Variants in MREG observed in about 807,000 individuals in gnomAD.
MREG encodes melanoregulin, also known as dilute suppressor protein homolog.
A neutral mutation model predicts 28.5 loss-of-function variants in MREG; 31 were observed. The observed-to-expected ratio is 1.09, with a 90% confidence interval of 0.82 to 1.47. MREG has a LOEUF of 1.47. Ranked by LOEUF, MREG falls within the 40% of genes most tolerant of loss-of-function variation. MREG has a pLI of 0.00. For synonymous variants in MREG, 106 were observed against 95.2 expected (o/e 1.11, Z -0.66); for missense variants, 256 against 257.4 (o/e 0.99, Z 0.04).
At chr2:215,996,713 AC>A (rs1693883961) in intron 1 of MREG, among the ~76,000 whole-genome samples, 1 of 152,206 alleles carries the variant, frequency 6.6e-6, no homozygotes, top group Admixed American at 6.5e-5. Flanking sequence ...GGTAATTACT[AC>A]AGTTAAATAT....
intron 2 of MREG, among the ~76,000 whole-genome samples, chr2:215,974,882 TC>T (rs1249883560): frequency 6.7e-6 from 1 of 149,366 alleles, no homozygotes; most frequent in Non-Finnish European, 1.5e-5. Flanking sequence ...TCTCCCTCTC[TC>T]CACCTCCCAC....
intron 2 of MREG, among the ~76,000 whole-genome samples, chr2:215,979,219 T>G (rs1438900929): frequency 2.0e-5 from 3 of 152,018 alleles, no homozygotes; most frequent in Non-Finnish European, 4.4e-5. Context: ...ATCCCAGCAC[T>G]TTGGAAGGCC....
At chr2:215,941,136 C>T (rs369751741), downstream of MREG, among the ~76,000 whole-genome samples, 7 of 151,722 alleles carry the variant, frequency 4.6e-5, 3 homozygotes. Flanking sequence ...TGATAAGGCT[C>T]AACATTCCCG....
chr2:216,032,640 A>G (rs928155044), intron 1 of MREG: 20 of 152,332 alleles, frequency 1.3e-4, no homozygotes, highest in Non-Finnish European at 2.5e-4. Flanking sequence ...ACACTCATGA[A>G]CCACCATAAA....
intron 3 of MREG, among the ~76,000 whole-genome samples, 170 bp downstream of exon 3, chr2:215,946,853 A>C (rs1411001504): frequency 6.6e-6 from 1 of 152,242 alleles, no homozygotes; most frequent in Admixed American, 6.5e-5. Context: ...CAGAAACATC[A>C]GGCATTTATG....
intron 2 of MREG, among the ~76,000 whole-genome samples, chr2:215,962,261 A>T (rs2042999): frequency 0.88 from 133,917 of 152,248 alleles, 58,983 homozygotes; most frequent in Non-Finnish European, 0.91. Context: ...TGCCCAAGTA[A>T]GTCTGCAAAG....
At chr2:216,033,587 CAAG>C (rs1694744962), upstream of MREG, 1 of 152,272 alleles carries the variant, frequency 6.6e-6, no homozygotes, top group Admixed American at 6.6e-5. Flanking sequence ...TGGCCTCAGT[CAAG>C]AAGGGGATTT....
At chr2:216,020,970 C>T (rs1462408877) in intron 1 of MREG, among the ~76,000 whole-genome samples, 5 of 152,216 alleles carry the variant, frequency 3.3e-5, no homozygotes, top group Non-Finnish European at 5.9e-5. Context: ...TGTAAAGGGA[C>T]TCTCATCTGA....
chr2:216,020,591 G>A (rs986740328), intron 1 of MREG, among the ~76,000 whole-genome samples: 1 of 152,246 alleles, frequency 6.6e-6, no homozygotes, highest in Admixed American at 6.5e-5. Context: ...AGGAGCTGAG[G>A]AGACAGGAAA....
chr2:216,031,425 AAAG>A (rs1386850269), intron 1 of MREG, among the ~76,000 whole-genome samples: 4 of 60,258 alleles, frequency 6.6e-5, no homozygotes, highest in African/African-American at 1.1e-4. Context: ...AGGAAGAAAG[AAAG>A]AAAAGAAAGA....
chr2:216,002,661 C>T (rs952007753), intron 1 of MREG, among the ~76,000 whole-genome samples: 3 of 152,198 alleles, frequency 2.0e-5, no homozygotes, highest in Admixed American at 1.3e-4. Context: ...CTGCTACCCC[C>T]CTGGCTTCAA....
rs891471861 is a variant in MREG at position 215,943,345 on chromosome 2, T to C, written c.*1518A>G. Reference sequence around the variant, plus strand: ...AGAGAAGCAAGCTGCATTCACAGCATTGCTCCCTTTTGAAAATTATCTTCT... The same window carrying C: ...AGAGAAGCAAGCTGCATTCACAGCACTGCTCCCTTTTGAAAATTATCTTCT... On this transcript the variant is annotated 3_prime_UTR_variant, in exon 5 of 5. Coordinates refer to ENST00000263268, the MANE Select transcript of MREG (RefSeq NM_018000.3). The C allele has an allele frequency of 6.6e-6, 3 of 456,354 alleles. No individual in the cohort carries two copies. The highest frequency in any genetic ancestry group is 4.0e-5 in the African/African-American group (2 of 50,182). The allele number at this position is 456,354 out of a possible 1,614,324, so 28.3% of individuals were successfully genotyped here.
At chr2:216,011,489 C>T (rs1694309462) in intron 1 of MREG, among the ~76,000 whole-genome samples, 1 of 152,140 alleles carries the variant, frequency 6.6e-6, no homozygotes, top group Non-Finnish European at 1.5e-5. Context: ...TCGTGGCAAA[C>T]CTTTGAAGTA....
intron 1 of MREG, among the ~76,000 whole-genome samples, chr2:216,000,629 G>A (rs1221248160): frequency 1.3e-5 from 2 of 152,108 alleles, no homozygotes; most frequent in Admixed American, 6.5e-5. Context: ...TCTAGGGCAG[G>A]GGTTGTATCC....
At position 215,990,327 on chromosome 2, in the gene MREG, T is replaced by G. The variant is rs969323058; in HGVS notation, c.255+5979A>C. ...CATAAGTGAAAGAGAAATACAACCC[T>G]GTACAGACAAGCAAATACTGAGAGA... On this transcript the variant is annotated intron_variant, in intron 2 of 4. Coordinates refer to ENST00000263268, the MANE Select transcript of MREG (RefSeq NM_018000.3). Among the ~76,000 whole-genome samples, 12 of 152,162 alleles carry G rather than the reference T, an allele frequency of 7.9e-5. 1 individual carries two copies. Among genetic ancestry groups the G allele is most frequent in the Non-Finnish European group, 1.6e-4 (11 of 68,032 alleles).
At chr2:215,973,287 C>T (rs781687614) in intron 2 of MREG, among the ~76,000 whole-genome samples, 11 of 152,212 alleles carry the variant, frequency 7.2e-5, no homozygotes, top group East Asian at 1.9e-4. Context: ...AAAGAGATAA[C>T]GGCTCAAGAG....
At chr2:215,995,214 C>T (rs982000002) in intron 2 of MREG, among the ~76,000 whole-genome samples, 19 of 152,094 alleles carry the variant, frequency 1.2e-4, no homozygotes, top group African/African-American at 3.9e-4. Flanking sequence ...AGTGGGTGCT[C>T]GGTCACTAGT....
chr2:216,001,530 G>C (rs3770559), intron 1 of MREG, among the ~76,000 whole-genome samples: 100,307 of 152,098 alleles, frequency 0.66, 34,457 homozygotes, highest in African/African-American at 0.85. Flanking sequence ...CTGCCCCTCT[G>C]CCTCTCCAGA....
Position 215,943,725 on chromosome 2 carries a change from C to T in MREG, c.*1138G>A. 1 of 316,380 alleles carries T rather than the reference C, an allele frequency of 3.2e-6. No homozygotes were observed. Among genetic ancestry groups the T allele is most frequent in the Non-Finnish European group, 6.2e-6 (1 of 160,016 alleles). The allele number at this position is 316,380 out of a possible 1,614,324, so 19.6% of individuals were successfully genotyped here. On this transcript the variant is annotated 3_prime_UTR_variant, in exon 5 of 5. Coordinates refer to ENST00000263268, the MANE Select transcript of MREG (RefSeq NM_018000.3). ...GTGTGGTGGCACGCGCCTGTAGTTC[C>T]AGCTACTCCAGAGGCTGAGGCAGGG...
Sources: gnomAD v4.1 joint callset for allele counts (sites outside exome capture counted in the v4.1 genomes callset) on GRCh38, gnomAD v4.1.1 for gene constraint, MANE v1.5 for transcripts, NCBI Gene and HGNC (gene_info 2026-07-23, HGNC 2026-07-21) for gene names.